Variants in CELF2 observed in about 807,000 individuals in gnomAD.
CELF2 encodes the protein CUG triplet repeat RNA-binding protein 2.
In CELF2, 8 loss-of-function variants were observed where a neutral mutation model predicts 62.6. That is an observed-to-expected ratio of 0.13 (90% CI 0.07 to 0.23). The LOEUF (loss-of-function observed/expected upper bound fraction) is 0.23. CELF2 is among the 10% of genes least tolerant of loss of function. The pLI is 1.00. For missense variants in CELF2, 333 were observed against 671.0 expected (o/e 0.50, Z 5.56); for synonymous variants, 258 against 250.0 (o/e 1.03, Z -0.30).
At chr10:11,033,257 ATTTTT>A (rs199975812) in intron 1 of CELF2, among the ~76,000 whole-genome samples, 44,254 of 139,080 alleles carry the variant, frequency 0.32, 7,440 homozygotes, top group East Asian at 0.59. Flanking sequence ...TGTTCAGGGC[ATTTTT>A]TTTTTTTTTT....
rs1027245708 is a variant in CELF2 at position 10,931,652 on chromosome 10, C to T, written c.89+11653C>T. ...AGGCTTTCAACGTAATAGGTTTCTG[C>T]GTATGGTTTACAAGTTTTTAAAATA... On this transcript the variant is annotated intron_variant, in intron 2 of 13. Coordinates refer to the CELF2 transcript ENST00000636488. This position sits in a 1 kb window ranked among gnomAD's most constrained non-coding sequence, Gnocchi z 6.1. 4.6e-5 allele frequency among the ~76,000 whole-genome samples: 7 copies of T among 152,088 alleles called. No individual in the cohort carries two copies. The highest frequency in any genetic ancestry group is 1.9e-4 in the East Asian group (1 of 5,194).
the CELF2 span, among the ~76,000 whole-genome samples, chr10:10,687,212 C>T: frequency 6.6e-6 from 1 of 152,146 alleles, no homozygotes; most frequent in Non-Finnish European, 1.5e-5. Context: ...TTAATGGATA[C>T]TGGTCACCTC....
chr10:10,482,121 T>C, the CELF2 span, among the ~76,000 whole-genome samples: 1 of 152,218 alleles, frequency 6.6e-6, no homozygotes, highest in Non-Finnish European at 1.5e-5. Context: ...GTGGTTTGCA[T>C]AGTAAATGTC....
intron 1 of CELF2, among the ~76,000 whole-genome samples, chr10:11,099,995 G>C (rs112380500): frequency 6.6e-6 from 1 of 151,724 alleles, no homozygotes; most frequent in African/African-American, 2.4e-5. Context: ...GAGGTCAGGC[G>C]TTTGAGATCA....
At chr10:10,926,647 G>A (rs560355069) in intron 2 of CELF2, among the ~76,000 whole-genome samples, 2 of 152,304 alleles carry the variant, frequency 1.3e-5, no homozygotes, top group South Asian at 4.1e-4. Context: ...TCTTCCATGG[G>A]ACTGTTTTTT....
intron 1 of CELF2, among the ~76,000 whole-genome samples, chr10:10,888,200 T>G (rs973751099): frequency 6.6e-6 from 1 of 152,182 alleles, no homozygotes. Flanking sequence ...GGACAAGAGA[T>G]GTAAATGGTG....
the CELF2 span, among the ~76,000 whole-genome samples, chr10:10,486,588 G>C: frequency 6.6e-6 from 1 of 152,008 alleles, no homozygotes; most frequent in Non-Finnish European, 1.5e-5. Flanking sequence ...TGTCATATTT[G>C]CATTATACTT....
Position 11,157,395 on chromosome 10 carries a change from C to A in CELF2, c.75-8091C>A, listed in dbSNP as rs957661113. Among the ~76,000 whole-genome samples, 2 of 123,900 alleles carry A rather than the reference C, an allele frequency of 1.6e-5. No homozygotes were observed. The highest frequency in any genetic ancestry group is 6.3e-4 in the East Asian group (1 of 1,590). 81.3% of individuals were successfully genotyped at this position (123,900 alleles called of 152,430 possible). On this transcript the variant is annotated intron_variant, in intron 1 of 12. Transcript: ENST00000633077. The surrounding 1 kb of genome is among the most constrained non-coding windows in gnomAD (Gnocchi z 4.9). ...GACTTTGATATCCGCCCTCCCCCCA[C>A]ACACACACACACAAAAATTTCACTT... is the stretch of plus-strand genomic sequence containing the variant.
At chr10:10,954,898 G>GA (rs2048730910) in intron 2 of CELF2, among the ~76,000 whole-genome samples, 2 of 152,026 alleles carry the variant, frequency 1.3e-5, no homozygotes, top group African/African-American at 4.8e-5. Context: ...TCCAAAGGGA[G>GA]AAAAAAATAA....
chr10:11,005,296 G>GGAGGA, upstream of CELF2: 1 of 1,586,424 alleles, frequency 6.3e-7, no homozygotes, highest in Non-Finnish European at 8.6e-7. This position sits in a 1 kb window ranked among gnomAD's most constrained non-coding sequence, Gnocchi z 4.3. Flanking sequence ...GAGAGAGAGG[G>GGAGGA]AGGAGAGGGC....
chr10:10,894,791 T>A (rs2062418602), intron 1 of CELF2, among the ~76,000 whole-genome samples: 1 of 152,326 alleles, frequency 6.6e-6, no homozygotes, highest in East Asian at 1.9e-4. Flanking sequence ...TACCTTATGG[T>A]GAATTCACTC....
intron 1 of CELF2, among the ~76,000 whole-genome samples, chr10:10,854,888 C>A (rs942628657): frequency 2.6e-5 from 4 of 151,896 alleles, no homozygotes; most frequent in Admixed American, 1.3e-4. Flanking sequence ...CCCAAGCGGG[C>A]AGAAAGTGGG....
chr10:10,851,485 C>T (rs1022078345), intron 1 of CELF2, among the ~76,000 whole-genome samples: 3 of 152,166 alleles, frequency 2.0e-5, no homozygotes, highest in Admixed American at 1.3e-4. Context: ...AACTATAAAA[C>T]TTCTAGAAGA....
At chr10:10,746,488 T>A in the CELF2 span, among the ~76,000 whole-genome samples, 1 of 152,190 alleles carries the variant, frequency 6.6e-6, no homozygotes, top group East Asian at 1.9e-4. Flanking sequence ...AGAGTTTGAA[T>A]TCAAAAATTT....
the CELF2 span, among the ~76,000 whole-genome samples, chr10:10,701,948 T>A: frequency 6.6e-6 from 1 of 152,200 alleles, no homozygotes; most frequent in Non-Finnish European, 1.5e-5. Flanking sequence ...CGAAAAGTGC[T>A]TAAATCTGCA....
chr10:11,137,427 G>A (rs191000763), intron 1 of CELF2, among the ~76,000 whole-genome samples: 1 of 152,306 alleles, frequency 6.6e-6, no homozygotes, highest in Admixed American at 6.5e-5. Context: ...CAATGCTGTG[G>A]GTAAGAGCTT....
At chr10:10,561,341 T>C in the CELF2 span, among the ~76,000 whole-genome samples, 2 of 152,188 alleles carry the variant, frequency 1.3e-5, no homozygotes, top group Non-Finnish European at 2.9e-5. Flanking sequence ...TTTATTGGGC[T>C]GGGCTTAAGC....
chr10:10,566,090 A>G, the CELF2 span, among the ~76,000 whole-genome samples: 2 of 152,198 alleles, frequency 1.3e-5, no homozygotes, highest in African/African-American at 2.4e-5. Flanking sequence ...GCAAGATTTT[A>G]TCCAACACGT....
intron 2 of CELF2, among the ~76,000 whole-genome samples, chr10:10,920,354 G>T (rs1287121363): frequency 3.9e-5 from 6 of 152,102 alleles, no homozygotes; most frequent in Admixed American, 3.9e-4. Context: ...TATTGGATTG[G>T]TTTTTTCTTC....
Sources: gnomAD v4.1 joint callset for allele counts (sites outside exome capture counted in the v4.1 genomes callset) on GRCh38, gnomAD v4.1.1 for gene constraint, Gnocchi (gnomAD v3.1) non-coding constraint, MANE v1.5 for transcripts, NCBI Gene and HGNC (gene_info 2026-07-23, HGNC 2026-07-21) for gene names.